The following EYS variants were observed in gnomAD, a reference collection of about 807,000 sequenced individuals.
EYS encodes EGF-like photoreceptor maintenance factor.
EYS carries 250 observed loss-of-function variants against 282.1 expected under a neutral mutation model. The observed-to-expected ratio is 0.89, with a 90% CI of 0.80 to 0.98. EYS has a LOEUF of 0.98. Among genes scored for constraint, EYS ranks in the 50% least tolerant of loss-of-function variants. EYS has a pLI of 0.00. For synonymous variants in EYS, 1,355 were observed against 1,282.9 expected (o/e 1.06, Z -1.20); for missense variants, 4,016 against 3,709.0 (o/e 1.08, Z -2.15).
intron 31 of EYS, among the ~76,000 whole-genome samples, chr6:64,198,491 A>G (rs1765366624): frequency 6.7e-6 from 1 of 150,346 alleles, no homozygotes; most frequent in East Asian, 2.0e-4. Flanking sequence ...CCCACTCCCC[A>G]ACAGGCCCCT....
At chr6:64,797,588 C>G (rs1774397277) in intron 22 of EYS, among the ~76,000 whole-genome samples, 2 of 151,872 alleles carry the variant, frequency 1.3e-5, no homozygotes, top group Non-Finnish European at 2.9e-5. Context: ...CCAAATAAAG[C>G]TTATCTCCAT....
chr6:64,665,900 C>T (rs1583017077), intron 22 of EYS, among the ~76,000 whole-genome samples: 1 of 146,454 alleles, frequency 6.8e-6, no homozygotes, highest in Admixed American at 7.1e-5. Flanking sequence ...TCATCATCAA[C>T]ATAATGTGTA....
intron 28 of EYS, among the ~76,000 whole-genome samples, chr6:64,403,684 T>C (rs1773612938): frequency 6.6e-6 from 1 of 152,152 alleles, no homozygotes; most frequent in African/African-American, 2.4e-5. Flanking sequence ...TTTAATTTGC[T>C]AGATACTTTT....
At chr6:64,017,430 G>A (rs1768948134) in intron 33 of EYS, among the ~76,000 whole-genome samples, 1 of 152,060 alleles carries the variant, frequency 6.6e-6, no homozygotes, top group Admixed American at 6.6e-5. Context: ...TCCATGGTCT[G>A]GTGAGGTCTC....
intron 22 of EYS, among the ~76,000 whole-genome samples, chr6:64,785,706 CTTAT>C (rs1207236821): frequency 6.6e-6 from 1 of 152,108 alleles, no homozygotes. Flanking sequence ...CAAAACCAAG[CTTAT>C]TTATTCAACA....
intron 36 of EYS, among the ~76,000 whole-genome samples, chr6:63,845,681 CT>C (rs143190194): frequency 0.12 from 18,678 of 151,840 alleles, 1,398 homozygotes; most frequent in African/African-American, 0.2. Context: ...GTCTAGGGGA[CT>C]TTTTTTTATC....
chr6:65,012,810 C>CA (rs3033918), intron 13 of EYS, among the ~76,000 whole-genome samples: 31,799 of 117,374 alleles, frequency 0.27, 3,968 homozygotes, highest in African/African-American at 0.35. Flanking sequence ...CCAAGTACAG[C>CA]AAAAAAAAAA....
chr6:63,985,061 G>A (rs557180666), intron 34 of EYS, among the ~76,000 whole-genome samples: 1 of 151,602 alleles, frequency 6.6e-6, no homozygotes, highest in Non-Finnish European at 1.5e-5. Flanking sequence ...TAAAAATAGG[G>A]TCATTGCAGA....
chr6:64,449,038 T>C (rs1775221140), intron 26 of EYS, among the ~76,000 whole-genome samples: 2 of 152,020 alleles, frequency 1.3e-5, no homozygotes, highest in African/African-American at 4.8e-5. Flanking sequence ...GAGGAAGGCT[T>C]CAGAAGATCA....
chr6:64,992,731 T>C (rs1583370732), intron 14 of EYS, among the ~76,000 whole-genome samples: 2 of 152,132 alleles, frequency 1.3e-5, no homozygotes, highest in South Asian at 4.1e-4. Context: ...TCAGATTCTC[T>C]GTGTTAATTT....
In EYS at chr6:65,698,350, C is replaced by A. The variant is rs76969834; in HGVS notation, c.-448+8785G>T. 5.9e-3 allele frequency among the ~76,000 whole-genome samples: 897 copies of A among 152,192 alleles called. 10 individuals are homozygous for A. Among genetic ancestry groups the A allele is most frequent in the Non-Finnish European group, 0.01 (702 of 67,966 alleles). On this transcript the variant is annotated intron_variant, in intron 1 of 42. Coordinates refer to ENST00000503581, the MANE Select transcript of EYS (RefSeq NM_001142800.2). ...TAATGCAGTACATTTCTCCAACATT[C>A]TCTAATAAAAGTATTTGTAGCTAAC...
At chr6:64,489,622 A>G (rs1202745653) in intron 26 of EYS, among the ~76,000 whole-genome samples, 1 of 149,450 alleles carries the variant, frequency 6.7e-6, no homozygotes, top group Non-Finnish European at 1.5e-5. Context: ...GTTTTAATAT[A>G]AAATCTACTA....
intron 35 of EYS, among the ~76,000 whole-genome samples, chr6:63,938,220 G>C (rs1765130509): frequency 6.6e-6 from 1 of 152,150 alleles, no homozygotes; most frequent in South Asian, 2.1e-4. Flanking sequence ...CGCATATTTA[G>C]AGTTGCTGGT....
At chr6:64,161,698 G>C (rs1017826540) in intron 31 of EYS, among the ~76,000 whole-genome samples, 6 of 152,052 alleles carry the variant, frequency 3.9e-5, no homozygotes, top group African/African-American at 1.4e-4. Context: ...TTTAAAGAAT[G>C]TTTCATTAGA....
intron 36 of EYS, among the ~76,000 whole-genome samples, chr6:63,832,560 A>T (rs570827180): frequency 7.9e-5 from 12 of 152,234 alleles, no homozygotes; most frequent in African/African-American, 1.9e-4. Context: ...GCTCTGAAAT[A>T]GAGGCAATAA....
At chr6:64,217,652 C>A (rs910201847) in intron 31 of EYS, among the ~76,000 whole-genome samples, 1 of 152,008 alleles carries the variant, frequency 6.6e-6, no homozygotes, top group South Asian at 2.1e-4. Flanking sequence ...CTATAAGAGG[C>A]CTTTTCCTAT....
At chr6:64,531,766 T>A (rs1472630967) in intron 26 of EYS, among the ~76,000 whole-genome samples, 1 of 152,010 alleles carries the variant, frequency 6.6e-6, no homozygotes, top group Admixed American at 6.6e-5. Flanking sequence ...ATTAAAATTT[T>A]AATACATTCA....
At chr6:65,454,123 T>C (rs1764517385) in intron 5 of EYS, among the ~76,000 whole-genome samples, 1 of 136,002 alleles carries the variant, frequency 7.4e-6, no homozygotes, top group African/African-American at 2.6e-5. Context: ...ATAATGTCTC[T>C]ACTAGATTAC....
chr6:65,449,002 G>A (rs1764303014), intron 5 of EYS, among the ~76,000 whole-genome samples: 1 of 151,978 alleles, frequency 6.6e-6, no homozygotes, highest in Non-Finnish European at 1.5e-5. Context: ...TGTGAATTTG[G>A]TTCTCACCTT....
Sources: gnomAD v4.1 joint callset for allele counts (sites outside exome capture counted in the v4.1 genomes callset) on GRCh38, gnomAD v4.1.1 for gene constraint, MANE v1.5 for transcripts, NCBI Gene and HGNC (gene_info 2026-07-23, HGNC 2026-07-21) for gene names.